The following MAP3K5 variants were observed in gnomAD, a reference collection of about 807,000 sequenced individuals.
The protein encoded by MAP3K5 is mitogen-activated protein kinase kinase kinase 5.
A neutral mutation model predicts 158.7 loss-of-function variants in MAP3K5; 56 were observed. The ratio of observed to expected loss-of-function variants is 0.35; its 90% CI spans 0.28 to 0.44. The LOEUF (loss-of-function observed/expected upper bound fraction) is 0.44. Ranked by LOEUF, MAP3K5 falls within the 20% of genes least tolerant of loss-of-function variation. MAP3K5 has a pLI of 1.00. For synonymous variants in MAP3K5, 579 were observed against 601.7 expected (o/e 0.96, Z 0.55); for missense variants, 1,294 against 1,674.8 (o/e 0.77, Z 3.97).
chr6:136,560,812 T>C (rs767913126), intron 28 of MAP3K5, among the ~76,000 whole-genome samples: 1 of 151,684 alleles, frequency 6.6e-6, no homozygotes, highest in Non-Finnish European at 1.5e-5. Flanking sequence ...CTGGGTATGA[T>C]GGTTCATGTC....
chr6:136,569,514 T>C (rs751219013), intron 25 of MAP3K5, among the ~76,000 whole-genome samples: 19 of 152,336 alleles, frequency 1.2e-4, no homozygotes, highest in South Asian at 2.1e-4. Flanking sequence ...TTTCAACCAA[T>C]TGCCAATCTT....
intron 23 of MAP3K5, among the ~76,000 whole-genome samples, chr6:136,584,095 C>T (rs969639382): frequency 3.3e-5 from 5 of 152,116 alleles, no homozygotes; most frequent in African/African-American, 4.8e-5. Context: ...CTGCCCCACA[C>T]GCTGGTCAGT....
chr6:136,701,795 G>T lies in MAP3K5; in HGVS notation c.613-3113C>A, dbSNP rs545279856. ...CTCCAAGTCACAAAATGAGAACAAA[G>T]AGCCAAAAAGCCAATAAAGCAGAAA... On this transcript the variant is annotated intron_variant, in intron 3 of 29. Transcript: ENST00000359015. 9.9e-5 allele frequency among the ~76,000 whole-genome samples: 15 copies of T among 152,256 alleles called. No homozygotes were observed. In the South Asian group the frequency reaches 2.9e-3, roughly 29 times the overall value.
intron 21 of MAP3K5, chr6:136,593,713 GCA>G: frequency 1.5e-5 from 5 of 340,450 alleles, no homozygotes; most frequent in Middle Eastern, 4.5e-4. Context: ...GGACAGATAT[GCA>G]AAAAAAAAAA....
At chr6:136,649,092 C>T (rs1778404099) in intron 11 of MAP3K5, among the ~76,000 whole-genome samples, 2 of 152,318 alleles carry the variant, frequency 1.3e-5, no homozygotes, top group South Asian at 4.1e-4. Flanking sequence ...GCCTCAGCCT[C>T]CTGAGTAGTG....
At position 136,769,768 on chromosome 6, in the gene MAP3K5, GAA is replaced by G. The variant is rs1248186470; in HGVS notation, c.448+21940_448+21941del. 1.4e-3 allele frequency among the ~76,000 whole-genome samples: 54 copies of G among 38,868 alleles called. 1 individual carries two copies. The highest frequency in any genetic ancestry group is 5.7e-3 in the African/African-American group (41 of 7,162). 25.5% of individuals were successfully genotyped at this position (38,868 alleles called of 152,430 possible). The stretch of plus-strand genomic sequence containing the variant: ...GGAAGGAAGGAAGGAAGGAAGGAAG[GAA>G]GGAAGGAAGGAAGGAAGGAAGGAAG... On this transcript the variant is annotated intron_variant, in intron 1 of 29. Transcript: ENST00000359015.
At chr6:136,728,412 C>T (rs1782068772) in intron 1 of MAP3K5, among the ~76,000 whole-genome samples, 1 of 152,090 alleles carries the variant, frequency 6.6e-6, no homozygotes, top group Non-Finnish European at 1.5e-5. Flanking sequence ...AAGTAGATAA[C>T]ATCGGGAAAC....
chr6:136,666,625 C>T (rs1051418009), intron 8 of MAP3K5, among the ~76,000 whole-genome samples: 4 of 152,030 alleles, frequency 2.6e-5, no homozygotes, highest in African/African-American at 9.7e-5. Flanking sequence ...TTATATTAAA[C>T]TATTAATTTA....
chr6:136,638,646 TTTC>T (rs1777765413), intron 13 of MAP3K5, among the ~76,000 whole-genome samples: 2 of 152,180 alleles, frequency 1.3e-5, no homozygotes, highest in East Asian at 1.9e-4. Context: ...AGCTAGGAAT[TTTC>T]TTATTTCCAA....
chr6:136,756,950 C>G (rs749586859), intron 1 of MAP3K5, among the ~76,000 whole-genome samples: 8 of 152,340 alleles, frequency 5.3e-5, no homozygotes, highest in Non-Finnish European at 1.2e-4. Flanking sequence ...CTCTTCAGAA[C>G]CACACGAAGC....
At chr6:136,750,990 C>T (rs1177967785) in intron 1 of MAP3K5, among the ~76,000 whole-genome samples, 1 of 152,188 alleles carries the variant, frequency 6.6e-6, no homozygotes, top group African/African-American at 2.4e-5. Context: ...TCTTTTGGGA[C>T]CCTTCTGAGG....
chr6:136,695,878 C>T, intron 6 of MAP3K5, 73 bp downstream of exon 6: 1 of 843,568 alleles, frequency 1.2e-6, no homozygotes, highest in Non-Finnish European at 1.9e-6. Flanking sequence ...GCAGTGAACA[C>T]ATTCTCTGTA....
chr6:136,666,451 G>C (rs952227959), intron 8 of MAP3K5, among the ~76,000 whole-genome samples: 1 of 152,068 alleles, frequency 6.6e-6, no homozygotes, highest in South Asian at 2.1e-4. Context: ...TCGGTAATTC[G>C]GAATAATTTG....
intron 1 of MAP3K5, among the ~76,000 whole-genome samples, chr6:136,762,761 C>A (rs970837688): frequency 1.3e-5 from 2 of 152,154 alleles, no homozygotes; most frequent in Non-Finnish European, 2.9e-5. Flanking sequence ...AAACCACATG[C>A]CAATGTCTGC....
chr6:136,746,639 A>T (rs553908820), intron 1 of MAP3K5, among the ~76,000 whole-genome samples: 103 of 152,314 alleles, frequency 6.8e-4, no homozygotes, highest in African/African-American at 2.4e-3. Context: ...ATGTATAATC[A>T]TGGTTTAACA....
At chr6:136,657,594 G>A (rs1778807293) in intron 9 of MAP3K5, among the ~76,000 whole-genome samples, 2 of 152,150 alleles carry the variant, frequency 1.3e-5, no homozygotes, top group African/African-American at 4.8e-5. Context: ...ATAACACCAA[G>A]AATAAATATC....
At chr6:136,578,582 A>G (rs181373975) in intron 25 of MAP3K5, among the ~76,000 whole-genome samples, 5 of 152,160 alleles carry the variant, frequency 3.3e-5, no homozygotes, top group Admixed American at 3.3e-4. Context: ...GGATAGGTCC[A>G]GACTCTCGGT....
intron 14 of MAP3K5, among the ~76,000 whole-genome samples, chr6:136,636,509 G>A (rs1383743858): frequency 1.3e-5 from 2 of 152,234 alleles, no homozygotes; most frequent in Non-Finnish European, 1.5e-5. Flanking sequence ...CATGTGTCAA[G>A]CCTGGAGAAG....
At chr6:136,637,165 C>T in intron 14 of MAP3K5, 160 bp downstream of exon 14, 2 of 1,346,312 alleles carry the variant, frequency 1.5e-6, no homozygotes, top group Non-Finnish European at 9.8e-7. Flanking sequence ...ACTTTTTAGC[C>T]CCTTTTTACC....
Sources: gnomAD v4.1 joint callset for allele counts (sites outside exome capture counted in the v4.1 genomes callset) on GRCh38, gnomAD v4.1.1 for gene constraint, MANE v1.5 for transcripts, NCBI Gene and HGNC (gene_info 2026-07-23, HGNC 2026-07-21) for gene names.